MS4A15: variants seen among roughly 807,000 people sequenced by gnomAD.
MS4A15 encodes membrane-spanning 4-domains subfamily A member 15.
MS4A15 carries 22 observed loss-of-function variants against 20.6 expected under a neutral mutation model. The ratio of observed to expected loss-of-function variants is 1.07; its 90% CI spans 0.76 to 1.52. The LOEUF (loss-of-function observed/expected upper bound fraction) is 1.52, where lower values mean the gene tolerates loss of function less well. Among genes scored for constraint, MS4A15 ranks in the 40% most tolerant of loss-of-function variants. The pLI is 0.00. For missense variants in MS4A15, 312 were observed against 323.0 expected (o/e 0.97, Z 0.26); for synonymous variants, 129 against 129.3 (o/e 1.00, Z 0.02).
chr11:60,767,597 G>A lies in MS4A15; in HGVS notation c.290G>A (p.Arg97His), dbSNP rs746243104. Residue 97 changes from arginine (R) to histidine (H), a missense_variant, in exon 3 of 7, where the codon CGC becomes CAC. Physicochemically the swap from Arg to His is conservative, Grantham distance 29. Transcript: ENST00000405633. ...GFGSVLLMVR[R>H]GHVGIFFIEG... is the part of the protein sequence containing the mutation. ...GGCAGCGTGCTGCTCATGGTTCGCC[G>A]CGGCCACGTGGGCATCTTCTTCATC... is the stretch of plus-strand genomic sequence containing the variant. The A allele has an allele frequency of 1.9e-5, 29 of 1,557,146 alleles. No individual in the cohort carries two copies. Among genetic ancestry groups the A allele is most frequent in the Non-Finnish European group, 2.5e-5 (29 of 1,149,890 alleles).
At chr11:60,766,676 C>T (rs1202982821) in intron 2 of MS4A15, among the ~76,000 whole-genome samples, 1 of 152,180 alleles carries the variant, frequency 6.6e-6, no homozygotes, top group Non-Finnish European at 1.5e-5. Context: ...TTCAGGGGCT[C>T]ATGTCCATGA....
chr11:60,757,461 G>A (rs761834800), intron 1 of MS4A15, among the ~76,000 whole-genome samples: 1 of 152,188 alleles, frequency 6.6e-6, no homozygotes, highest in Non-Finnish European at 1.5e-5. Context: ...AATTCAGGAG[G>A]TTTAAAGGAG....
chr11:60,775,808 CAT>C lies in MS4A15; in HGVS notation c.*94_*95del. The C allele has an allele frequency of 1.0e-6, 1 of 964,730 alleles. No homozygotes were observed. The allele number at this position is 964,730 out of a possible 1,614,324, so 59.8% of individuals were successfully genotyped here. A position where few individuals can be genotyped will look rare whatever the true frequency, so the allele number is the denominator to read the frequency against. ...CACCTTGTTCATCAGGGGCCAGCCC[CAT>C]CCCAGCTGCCCTCCCTCACCACATC... On this transcript the variant is annotated 3_prime_UTR_variant, in exon 7 of 7. Coordinates refer to ENST00000405633, the MANE Select transcript of MS4A15 (RefSeq NM_001098835.2).
chr11:60,772,099 G>A (rs1433300239), intron 4 of MS4A15, among the ~76,000 whole-genome samples: 1 of 152,148 alleles, frequency 6.6e-6, no homozygotes, highest in Non-Finnish European at 1.5e-5. Flanking sequence ...GGGACGGTCT[G>A]GAGTCCCTGA....
intron 1 of MS4A15, among the ~76,000 whole-genome samples, chr11:60,762,054 A>G (rs1478200476): frequency 6.6e-6 from 1 of 152,264 alleles, no homozygotes; most frequent in African/African-American, 2.4e-5. Context: ...TCTCATACTC[A>G]GAAAAAAAGA....
intron 2 of MS4A15, among the ~76,000 whole-genome samples, chr11:60,764,496 A>C (rs988701472): frequency 6.6e-6 from 1 of 152,268 alleles, no homozygotes; most frequent in Non-Finnish European, 1.5e-5. Context: ...GAAGGATTTC[A>C]ATCTCAGATG....
At chr11:60,768,653 C>T (rs1380977595) in intron 3 of MS4A15, among the ~76,000 whole-genome samples, 1 of 152,228 alleles carries the variant, frequency 6.6e-6, no homozygotes, top group Non-Finnish European at 1.5e-5. Context: ...ACTTCCTCAT[C>T]TAAAACTTGG....
At chr11:60,772,688 C>A (rs563324950) in intron 4 of MS4A15, among the ~76,000 whole-genome samples, 13 of 152,278 alleles carry the variant, frequency 8.5e-5, no homozygotes, top group Admixed American at 8.5e-4. Flanking sequence ...CCCCTTGGGG[C>A]AGTTTAACCA....
chr11:60,771,622 C>T, intron 4 of MS4A15: 1 of 1,475,940 alleles, frequency 6.8e-7, no homozygotes, highest in Non-Finnish European at 9.0e-7. Context: ...GCTAGAAGAT[C>T]TCCTGTAAGA....
intron 1 of MS4A15, 67 bp from the exon 2 acceptor site, chr11:60,763,639 T>G: frequency 7.4e-7 from 1 of 1,343,656 alleles, no homozygotes; most frequent in Non-Finnish European, 1.0e-6. Context: ...AGTAGGCACG[T>G]TGCTTATCAA....
At chr11:60,758,480 A>C (rs940443724) in intron 1 of MS4A15, among the ~76,000 whole-genome samples, 9 of 152,250 alleles carry the variant, frequency 5.9e-5, no homozygotes, top group Non-Finnish European at 1.3e-4. Flanking sequence ...ACTGCCACTG[A>C]AATCAGTGTG....
At chr11:60,764,008 C>A in intron 2 of MS4A15, 50 bp downstream of exon 2, 1 of 1,502,228 alleles carries the variant, frequency 6.7e-7, no homozygotes, top group Non-Finnish European at 9.1e-7. Context: ...AGTATCCCAG[C>A]ACCGGAACAT....
chr11:60,764,079 T>C, intron 2 of MS4A15, 121 bp downstream of exon 2: 1 of 902,406 alleles, frequency 1.1e-6, no homozygotes, highest in Middle Eastern at 3.5e-4. Flanking sequence ...GACTCAAAGA[T>C]TCAGCCATGC....
chr11:60,771,261 G>A (rs56355924), intron 3 of MS4A15, 30 bp from the exon 4 acceptor site: 1 of 1,612,410 alleles, frequency 6.2e-7, no homozygotes, highest in Non-Finnish European at 8.5e-7. Context: ...TCCTGGCTGA[G>A]GCCTCACCTG....
Position 60,775,800 on chromosome 11 carries a change from G to T in MS4A15, c.*85G>T. 1 of 1,110,664 alleles carries T rather than the reference G, an allele frequency of 9.0e-7. No homozygotes were observed. Among genetic ancestry groups the T allele is most frequent in the South Asian group, 1.4e-5 (1 of 70,952 alleles). The allele number at this position is 1,110,664 out of a possible 1,614,324, so 68.8% of individuals were successfully genotyped here. On this transcript the variant is annotated 3_prime_UTR_variant, in exon 7 of 7. Transcript: ENST00000405633. ...CCCACCCCCACCTTGTTCATCAGGG[G>T]CCAGCCCCATCCCAGCTGCCCTCCC...
chr11:60,775,573 C>T, intron 6 of MS4A15, 32 bp from the exon 7 acceptor site: 3 of 1,586,086 alleles, frequency 1.9e-6, no homozygotes, highest in South Asian at 2.2e-5. Context: ...CTCCAGCGTC[C>T]TCCAGGACGC....
At chr11:60,764,595 G>A (rs1313913863) in intron 2 of MS4A15, among the ~76,000 whole-genome samples, 1 of 152,224 alleles carries the variant, frequency 6.6e-6, no homozygotes, top group Non-Finnish European at 1.5e-5. Context: ...GCACGTGTGT[G>A]TGTATACATG....
chr11:60,769,818 T>C (rs1259255203), intron 3 of MS4A15, among the ~76,000 whole-genome samples: 1 of 152,184 alleles, frequency 6.6e-6, no homozygotes, highest in East Asian at 1.9e-4. Flanking sequence ...GAGCATAGCC[T>C]GAGTGTGTCC....
chr11:60,757,228 A>C (rs1291634436), intron 1 of MS4A15, among the ~76,000 whole-genome samples, 170 bp downstream of exon 1: 2 of 152,236 alleles, frequency 1.3e-5, no homozygotes, highest in East Asian at 3.8e-4. Flanking sequence ...AGCTCTACAC[A>C]ACGCTATGAT....
Sources: gnomAD v4.1 joint callset for allele counts (sites outside exome capture counted in the v4.1 genomes callset) on GRCh38, gnomAD v4.1.1 for gene constraint, MANE v1.5 for transcripts, NCBI Gene and HGNC (gene_info 2026-07-23, HGNC 2026-07-21) for gene names.